The following BSPRY variants were observed in gnomAD, a reference collection of about 807,000 sequenced individuals.
BSPRY encodes the protein B box and SPRY domain-containing protein.
Under a neutral mutation model 38.0 loss-of-function variants are expected in BSPRY, and 33 were observed. That is an observed-to-expected ratio of 0.87 (90% CI 0.66 to 1.16). BSPRY has a LOEUF of 1.16. Ranked by LOEUF, BSPRY falls within the 50% of genes most tolerant of loss-of-function variation. The pLI is 0.00. For missense variants in BSPRY, 523 were observed against 533.2 expected, an observed-to-expected ratio of 0.98 and a Z score of 0.19; for synonymous variants, 224 against 228.5, an observed-to-expected ratio of 0.98 and a Z score of 0.18.
intron 1 of BSPRY, among the ~76,000 whole-genome samples, chr9:113,350,035 G>GACA (rs1833946835): frequency 6.6e-6 from 1 of 152,218 alleles, no homozygotes; most frequent in African/African-American, 2.4e-5. Flanking sequence ...GTAGTTTGGG[G>GACA]ACAACAACAA....
rs754526888 is a variant in BSPRY at position 113,362,409 on chromosome 9, C to CA, written c.557+15_557+16insA. On this transcript the variant is annotated intron_variant, in intron 4 of 5. Coordinates refer to ENST00000374183, the MANE Select transcript of BSPRY (RefSeq NM_017688.3). The stretch of plus-strand genomic sequence containing the variant: ...ATTTTCGAGAGGTGAGTATAGACCC[C>CA]GTGATTTGACTGGGTAGTCTTGGAG... 1.9e-6 allele frequency: 3 copies of CA among 1,613,432 alleles called. No homozygotes were observed. In the African/African-American group the frequency reaches 4.0e-5, roughly 22 times the overall value.
At chr9:113,361,585 G>C (rs1834153644) in intron 3 of BSPRY, among the ~76,000 whole-genome samples, 3 of 152,158 alleles carry the variant, frequency 2.0e-5, no homozygotes, top group Admixed American at 2.0e-4. Flanking sequence ...AGAGGGGTCA[G>C]GGAAGGTTCC....
At chr9:113,364,363 C>T (rs1015384436) in intron 4 of BSPRY, among the ~76,000 whole-genome samples, 26 of 152,176 alleles carry the variant, frequency 1.7e-4, no homozygotes, top group African/African-American at 4.8e-4. Context: ...TGTCTCCTAA[C>T]GCATGCTTGG....
chr9:113,368,121 A>T, intron 4 of BSPRY, 138 bp from the exon 5 acceptor site: 2 of 1,083,870 alleles, frequency 1.8e-6, no homozygotes, highest in South Asian at 1.5e-5. Context: ...GGGGTGAGCC[A>T]CTGCACCTGG....
intron 3 of BSPRY, 34 bp downstream of exon 3, chr9:113,360,771 G>A (rs1434709931): frequency 1.3e-6 from 2 of 1,512,770 alleles, no homozygotes; most frequent in Non-Finnish European, 9.0e-7. Flanking sequence ...ATGACCAGTT[G>A]GCCAGGCTCC....
At chr9:113,368,547 C>T (rs1349939398) in intron 5 of BSPRY, among the ~76,000 whole-genome samples, 164 bp downstream of exon 5, 1 of 152,168 alleles carries the variant, frequency 6.6e-6, no homozygotes, top group Non-Finnish European at 1.5e-5. Flanking sequence ...CCAGACAGGC[C>T]TGGGGCAGCT....
intron 2 of BSPRY, among the ~76,000 whole-genome samples, chr9:113,356,110 A>G (rs1397107633): frequency 3.9e-5 from 6 of 152,190 alleles, no homozygotes; most frequent in African/African-American, 1.4e-4. Flanking sequence ...AACAAAATCT[A>G]TGTTATGTCC....
At position 113,362,174 on chromosome 9, in the gene BSPRY, G is replaced by GGTGGGTGTGTGTGTGT. The variant is rs368410256; in HGVS notation, c.532-192_532-191insGGTGTGTGTGTGTGTG. Among the ~76,000 whole-genome samples, 37 of 141,342 alleles carry GGTGGGTGTGTGTGTGT rather than the reference G, an allele frequency of 2.6e-4. 2 individuals are homozygous for GGTGGGTGTGTGTGTGT. The East Asian group carries it at 7.1e-3, about 27-fold the overall frequency. The allele number at this position is 141,342 out of a possible 152,430, so 92.7% of individuals were successfully genotyped here. ...TGATTCATTCTGAGCATGTGTTATG[G>GGTGGGTGTGTGTGTGT]GTGTGTGTGTGTGTGTGTGTGTGTG... On this transcript the variant is annotated intron_variant, in intron 3 of 5. Coordinates refer to ENST00000374183, the MANE Select transcript of BSPRY (RefSeq NM_017688.3).
intron 4 of BSPRY, among the ~76,000 whole-genome samples, chr9:113,364,626 T>G (rs1411900903): frequency 6.6e-6 from 1 of 152,144 alleles, no homozygotes; most frequent in Non-Finnish European, 1.5e-5. Context: ...GCCACATTCA[T>G]TGTCGCTCGT....
At chr9:113,360,278 T>C (rs73538812) in intron 2 of BSPRY, among the ~76,000 whole-genome samples, 12 of 152,332 alleles carry the variant, frequency 7.9e-5, no homozygotes, top group African/African-American at 2.4e-4. Flanking sequence ...CTCCCTGAGA[T>C]ATGGCCTATG....
At chr9:113,364,244 A>G (rs1834207768) in intron 4 of BSPRY, among the ~76,000 whole-genome samples, 1 of 152,236 alleles carries the variant, frequency 6.6e-6, no homozygotes, top group South Asian at 2.1e-4. Flanking sequence ...TTGTTGTGAA[A>G]CTTGTTAGGC....
chr9:113,365,218 A>G (rs1320005274), intron 4 of BSPRY, among the ~76,000 whole-genome samples: 1 of 152,198 alleles, frequency 6.6e-6, no homozygotes, highest in Non-Finnish European at 1.5e-5. Flanking sequence ...ATTAATAAGC[A>G]GTCTGTGAGG....
rs368306479 is a variant in BSPRY at position 113,354,316 on chromosome 9, C to T, written c.278C>T (p.Pro93Leu). The change falls in exon 2 of 6, where the codon CCG becomes CTG. Residue 93 changes from proline (P) to leucine (L), a missense_variant. Coordinates refer to ENST00000374183, the MANE Select transcript of BSPRY (RefSeq NM_017688.3). ...AITKYVADVL[P>L]GKNQRAVSMA... Reference sequence around the variant, plus strand: ...ACCAAGTATGTGGCGGACGTCCTGCCGGGGAAGAATCAAAGAGCAGTGGTA... The same window carrying T: ...ACCAAGTATGTGGCGGACGTCCTGCTGGGGAAGAATCAAAGAGCAGTGGTA... 62 of 1,613,840 alleles carry T rather than the reference C, an allele frequency of 3.8e-5. 1 individual carries two copies. Among genetic ancestry groups the T allele is most frequent in the Admixed American group, 2.8e-4 (17 of 59,990 alleles).
chr9:113,369,888 G>A lies in BSPRY; in HGVS notation c.955G>A (p.Gly319Ser), dbSNP rs1273430561. Reference sequence around the variant, plus strand: ...GGGTTCTGGCAGTGACTGCCGTCTGGGCCACAATGCCTTCTCCTGGGTCTT... The same window carrying A: ...GGGTTCTGGCAGTGACTGCCGTCTGAGCCACAATGCCTTCTCCTGGGTCTT... Reference protein sequence around the residue: ...RKGSGSDCRLGHNAFSWVFSR... With the variant: ...RKGSGSDCRLSHNAFSWVFSR... The change falls in exon 6 of 6, where the codon GGC becomes AGC. Residue 319 changes from glycine to serine, a missense_variant. By Grantham distance (56) the Gly-to-Ser change is moderately conservative (BLOSUM62 0). Coordinates refer to ENST00000374183, the MANE Select transcript of BSPRY (RefSeq NM_017688.3). 1.2e-6 allele frequency: 2 copies of A among 1,614,258 alleles called. No individual in the cohort carries two copies. Among genetic ancestry groups the A allele is most frequent in the Non-Finnish European group, 8.5e-7 (1 of 1,180,046 alleles).
chr9:113,367,942 CA>C (rs1013656617), intron 4 of BSPRY, among the ~76,000 whole-genome samples: 4 of 151,982 alleles, frequency 2.6e-5, no homozygotes, highest in Admixed American at 2.0e-4. Context: ...GCAATCTTCC[CA>C]CCTCAGCCTC....
At chr9:113,369,228 C>G (rs3789253) in intron 5 of BSPRY, among the ~76,000 whole-genome samples, 49,709 of 152,028 alleles carry the variant, frequency 0.33, 8,299 homozygotes, top group African/African-American at 0.39. Flanking sequence ...ATCAGTGCTA[C>G]GTATAGGAAC....
intron 3 of BSPRY, among the ~76,000 whole-genome samples, chr9:113,361,433 A>G (rs950176051): frequency 6.6e-6 from 1 of 152,246 alleles, no homozygotes; most frequent in African/African-American, 2.4e-5. Context: ...GCTATGGGGC[A>G]GAGTAACGAG....
At chr9:113,358,097 A>G (rs1317391737) in intron 2 of BSPRY, among the ~76,000 whole-genome samples, 1 of 149,830 alleles carries the variant, frequency 6.7e-6, no homozygotes, top group African/African-American at 2.4e-5. Flanking sequence ...AAAATTAAAA[A>G]ATTATCCAGA....
Position 113,362,393 on chromosome 9 carries a change from A to C in BSPRY, c.556A>C (p.Arg186=). The change falls in exon 4 of 6, where the codon AGG becomes CGG. Residue 186 remains arginine, a splice_region_variant and synonymous_variant. Coordinates refer to ENST00000374183, the MANE Select transcript of BSPRY (RefSeq NM_017688.3). Reference sequence around the variant, plus strand: ...GCAGAAGGAGCAAGAGATTTTCGAGAGGTGAGTATAGACCCCGTGATTTGA... The same window carrying C: ...GCAGAAGGAGCAAGAGATTTTCGAGCGGTGAGTATAGACCCCGTGATTTGA... The part of the protein sequence containing the change: ...LIQKEQEIFE[R]TEEAEGILDP... The C allele has an allele frequency of 6.2e-7, 1 of 1,614,024 alleles. No individual in the cohort carries two copies. Among genetic ancestry groups the C allele is most frequent in the Non-Finnish European group, 8.5e-7 (1 of 1,179,996 alleles).
Sources: allele counts gnomAD v4.1 joint callset (sites outside exome capture counted in the v4.1 genomes callset), GRCh38; gene constraint gnomAD v4.1.1; transcripts MANE v1.5; gene names NCBI Gene and HGNC (gene_info 2026-07-23, HGNC 2026-07-21).